Variants in RTN4RL1 observed in about 807,000 individuals in gnomAD.
RTN4RL1 encodes reticulon-4 receptor-like 1.
RTN4RL1 carries 7 observed loss-of-function variants against 25.6 expected under a neutral mutation model. That is an observed-to-expected ratio of 0.27 (90% CI 0.16 to 0.51). RTN4RL1 has a LOEUF of 0.51. Ranked by LOEUF, RTN4RL1 falls within the 20% of genes least tolerant of loss-of-function variation. The pLI is 0.97. For missense variants in RTN4RL1, 500 were observed against 615.6 expected (o/e 0.81, Z 1.99); for synonymous variants, 297 against 288.2 (o/e 1.03, Z -0.31).
At chr17:2,014,677 C>CA (rs1239050950) in intron 1 of RTN4RL1, among the ~76,000 whole-genome samples, 1 of 152,032 alleles carries the variant, frequency 6.6e-6, no homozygotes, top group Non-Finnish European at 1.5e-5. Flanking sequence ...ACTAAAAATA[C>CA]AAAAATTAGC....
intron 1 of RTN4RL1, among the ~76,000 whole-genome samples, chr17:1,969,348 T>C (rs1424784306): frequency 6.6e-6 from 1 of 152,196 alleles, no homozygotes; most frequent in Admixed American, 6.5e-5. Context: ...TGAGCCACCA[T>C]GCCCGGCCCG....
At chr17:1,971,614 G>A (rs1309135045) in intron 1 of RTN4RL1, among the ~76,000 whole-genome samples, 1 of 151,862 alleles carries the variant, frequency 6.6e-6, no homozygotes, top group Admixed American at 6.6e-5. Context: ...AGGGTTGTGT[G>A]AGCTCAGGCC....
chr17:1,999,893 G>A (rs1045167850), intron 1 of RTN4RL1, among the ~76,000 whole-genome samples: 1 of 152,374 alleles, frequency 6.6e-6, no homozygotes, highest in South Asian at 2.1e-4. Context: ...CTCCTGTCTA[G>A]GGCCCAGAGC....
chr17:2,002,703 C>T (rs2066967868), intron 1 of RTN4RL1, among the ~76,000 whole-genome samples: 2 of 152,118 alleles, frequency 1.3e-5, no homozygotes, highest in South Asian at 2.1e-4. Context: ...ACGCCCGTCT[C>T]TCTCTGTTGA....
chr17:2,013,518 A>G lies in RTN4RL1; in HGVS notation c.13+11335T>C, dbSNP rs1359114028. Among the ~76,000 whole-genome samples, 6 of 152,070 alleles carry G rather than the reference A, an allele frequency of 3.9e-5. 1 individual carries two copies. The highest frequency in any genetic ancestry group is 2.1e-4 in the South Asian group (1 of 4,826). On this transcript the variant is annotated intron_variant, in intron 1 of 1. Coordinates refer to ENST00000331238, the MANE Select transcript of RTN4RL1 (RefSeq NM_178568.4). ...GAATGAATACCACCACAGGAACAAG[A>G]CTCAGCCAGTGACCGGTGGGTGCTG... is the stretch of plus-strand genomic sequence containing the variant.
intron 1 of RTN4RL1, among the ~76,000 whole-genome samples, chr17:2,015,392 G>C (rs2067107325): frequency 6.6e-6 from 1 of 152,292 alleles, no homozygotes; most frequent in East Asian, 1.9e-4. Flanking sequence ...GGCTGGAGAC[G>C]GGATATCTGG....
chr17:1,999,828 C>CTCCCGGCTTT (rs2066948705), intron 1 of RTN4RL1, among the ~76,000 whole-genome samples: 1 of 152,256 alleles, frequency 6.6e-6, no homozygotes, highest in South Asian at 2.1e-4. Flanking sequence ...AGCCACCTCC[C>CTCCCGGCTTT]TCCCGGCTTT....
At chr17:2,022,315 CA>C (rs1437658873) in intron 1 of RTN4RL1, among the ~76,000 whole-genome samples, 1 of 151,682 alleles carries the variant, frequency 6.6e-6, no homozygotes, top group Admixed American at 6.6e-5. Flanking sequence ...AACTCTGTCT[CA>C]AAAAAAATTT....
intron 1 of RTN4RL1, among the ~76,000 whole-genome samples, chr17:2,007,643 C>T (rs979227251): frequency 6.6e-6 from 1 of 152,184 alleles, no homozygotes; most frequent in East Asian, 1.9e-4. Flanking sequence ...GAACATTTTG[C>T]AGCCGTTAAA....
At chr17:1,963,188 G>A (rs2066773805) in intron 1 of RTN4RL1, among the ~76,000 whole-genome samples, 1 of 152,168 alleles carries the variant, frequency 6.6e-6, no homozygotes, top group Non-Finnish European at 1.5e-5. Context: ...ACCTGGGATG[G>A]CTTCCCATTG....
Position 1,935,937 on chromosome 17 carries a change from A to C in RTN4RL1, c.*559T>G. Reference sequence around the variant, plus strand: ...AGGGTTGCCTGAGACATCAGGAATGAGAGGCGCTACCCCCGAGGGAGGGGC... The same window carrying C: ...AGGGTTGCCTGAGACATCAGGAATGCGAGGCGCTACCCCCGAGGGAGGGGC... On this transcript the variant is annotated 3_prime_UTR_variant, in exon 2 of 2. Transcript: ENST00000331238. 1.0e-6 allele frequency: 1 copy of C among 985,472 alleles called. No homozygotes were observed. Among genetic ancestry groups the C allele is most frequent in the Non-Finnish European group, 1.2e-6 (1 of 829,918 alleles). The allele number at this position is 985,472 out of a possible 1,614,324, so 61.0% of individuals were successfully genotyped here. A position where few individuals can be genotyped will look rare whatever the true frequency, so the allele number is the denominator to read the frequency against.
chr17:1,976,909 C>T (rs926788990), intron 1 of RTN4RL1, among the ~76,000 whole-genome samples: 3 of 152,300 alleles, frequency 2.0e-5, no homozygotes, highest in Middle Eastern at 3.4e-3. Flanking sequence ...GAAATGGGAA[C>T]ATTGATAACA....
At chr17:1,944,102 T>G (rs1254845012) in intron 1 of RTN4RL1, among the ~76,000 whole-genome samples, 1 of 152,118 alleles carries the variant, frequency 6.6e-6, no homozygotes, top group Non-Finnish European at 1.5e-5. Context: ...ATTTTTTATT[T>G]TTTGTAGCAA....
intron 1 of RTN4RL1, among the ~76,000 whole-genome samples, chr17:1,952,571 C>T (rs547671543): frequency 6.6e-6 from 1 of 151,312 alleles, no homozygotes; most frequent in Non-Finnish European, 1.5e-5. Flanking sequence ...TCTTGAACTC[C>T]TGACCTCGTG....
chr17:1,993,074 C>T (rs1160649158), intron 1 of RTN4RL1, among the ~76,000 whole-genome samples: 1 of 152,076 alleles, frequency 6.6e-6, no homozygotes, highest in Admixed American at 6.6e-5. Flanking sequence ...GAAACCCCAT[C>T]TCTACTAAAA....
intron 1 of RTN4RL1, among the ~76,000 whole-genome samples, chr17:1,972,429 G>A (rs1487599881): frequency 4.6e-5 from 7 of 151,824 alleles, no homozygotes; most frequent in African/African-American, 2.4e-5. Flanking sequence ...CCCTGAATAA[G>A]CCAGAGTGAT....
chr17:1,958,449 CTCT>C (rs1915833573), intron 1 of RTN4RL1, among the ~76,000 whole-genome samples: 1 of 152,226 alleles, frequency 6.6e-6, no homozygotes, highest in Non-Finnish European at 1.5e-5. Flanking sequence ...TATTAATTCC[CTCT>C]TCTTGTGCTT....
chr17:1,954,385 T>C (rs1160066360), intron 1 of RTN4RL1, among the ~76,000 whole-genome samples: 1 of 63,920 alleles, frequency 1.6e-5, no homozygotes, highest in Non-Finnish European at 3.6e-5. Flanking sequence ...CTTCCTTCCT[T>C]TTTTTTTTTT....
chr17:1,990,785 C>T lies in RTN4RL1; in HGVS notation c.13+34068G>A, dbSNP rs571040013. On this transcript the variant is annotated intron_variant, in intron 1 of 1. Coordinates refer to ENST00000331238, the MANE Select transcript of RTN4RL1 (RefSeq NM_178568.4). ...ATCATGGAACTTTTTGAGTCCACTA[C>T]AGATGCGCTTCTGAGTCAGAATCTT... Among the ~76,000 whole-genome samples the T allele has an allele frequency of 3.3e-5, 5 of 152,362 alleles. No individual in the cohort carries two copies. In the South Asian group the frequency reaches 1.0e-3, roughly 32 times the overall value.
Sources: allele counts gnomAD v4.1 joint callset (sites outside exome capture counted in the v4.1 genomes callset), GRCh38; gene constraint gnomAD v4.1.1; transcripts MANE v1.5; gene names NCBI Gene and HGNC (gene_info 2026-07-23, HGNC 2026-07-21).